Variants in MROH7 observed in about 807,000 individuals in gnomAD.
MROH7 encodes the protein maestro heat like repeat family member 7.
Under a neutral mutation model 129.2 loss-of-function variants are expected in MROH7, and 113 were observed. The ratio of observed to expected loss-of-function variants is 0.87; its 90% confidence interval spans 0.75 to 1.02. MROH7 has a LOEUF of 1.02. Ranked by LOEUF, MROH7 falls within the 50% of genes least tolerant of loss-of-function variation. The probability of loss-of-function intolerance (pLI) is 0.00; values close to 1 mark genes in which losing one functional copy is unlikely to be tolerated. For synonymous variants in MROH7, 655 were observed against 667.9 expected (o/e 0.98, Z 0.30); for missense variants, 1,601 against 1,671.3 (o/e 0.96, Z 0.73).
At chr1:54,706,967 G>A (rs968259746) in intron 22 of MROH7, among the ~76,000 whole-genome samples, 12 of 152,140 alleles carry the variant, frequency 7.9e-5, no homozygotes, top group Non-Finnish European at 1.3e-4. Context: ...TACTCCCACT[G>A]AGCCTCAGTT....
intron 3 of MROH7, among the ~76,000 whole-genome samples, 198 bp from the exon 4 acceptor site, chr1:54,664,969 G>A (rs1252372385): frequency 3.3e-5 from 5 of 152,228 alleles, no homozygotes; most frequent in Admixed American, 1.3e-4. Flanking sequence ...CCGAGATAGC[G>A]CCATTGCACT....
intron 3 of MROH7, among the ~76,000 whole-genome samples, chr1:54,658,497 G>T (rs914712732): frequency 2.0e-5 from 3 of 152,128 alleles, no homozygotes; most frequent in African/African-American, 7.2e-5. Context: ...TTGTCCATTT[G>T]CTTGTTTAAA....
intron 9 of MROH7, 85 bp downstream of exon 9, chr1:54,673,890 C>T: frequency 6.6e-7 from 1 of 1,519,938 alleles, no homozygotes; most frequent in Non-Finnish European, 9.1e-7. Context: ...CAGGGATTCC[C>T]AGGTGGCTCT....
chr1:54,705,653 G>A (rs1043840334), intron 21 of MROH7, among the ~76,000 whole-genome samples: 2 of 152,190 alleles, frequency 1.3e-5, no homozygotes, highest in Non-Finnish European at 2.9e-5. Context: ...TGTAGAAGGT[G>A]CAGATCTGGG....
At chr1:54,694,899 G>A (rs1012999576) in intron 16 of MROH7, among the ~76,000 whole-genome samples, 4 of 152,312 alleles carry the variant, frequency 2.6e-5, no homozygotes, top group East Asian at 1.9e-4. Flanking sequence ...GCTCCAGCTC[G>A]GCCATTTTCT....
At chr1:54,693,976 G>C (rs11206413) in intron 16 of MROH7, among the ~76,000 whole-genome samples, 27,344 of 152,066 alleles carry the variant, frequency 0.18, 2,825 homozygotes, top group South Asian at 0.28. Context: ...CTGCCTCCTG[G>C]GTTCAAGCGA....
chr1:54,677,989 T>G (rs1478131647), intron 10 of MROH7, among the ~76,000 whole-genome samples: 2 of 152,144 alleles, frequency 1.3e-5, no homozygotes, highest in East Asian at 1.9e-4. Context: ...GGGTAGGGGA[T>G]TGCAGTTTAA....
intron 3 of MROH7, chr1:54,663,639 G>A: frequency 2.7e-6 from 1 of 364,440 alleles, no homozygotes; most frequent in South Asian, 2.1e-5. Flanking sequence ...CTCCCAAAGT[G>A]CTGGGATTAC....
chr1:54,708,295 C>T (rs568840516), intron 22 of MROH7, among the ~76,000 whole-genome samples: 41 of 152,242 alleles, frequency 2.7e-4, no homozygotes, highest in Non-Finnish European at 5.1e-4. Context: ...GACATAGTGG[C>T]AAATGCTTAT....
At chr1:54,678,883 G>A in intron 11 of MROH7, 29 bp downstream of exon 11, 1 of 1,557,982 alleles carries the variant, frequency 6.4e-7, no homozygotes, top group Non-Finnish European at 8.9e-7. Context: ...TCCAGGAGCG[G>A]AGGGTGGGGG....
At position 54,674,155 on chromosome 1, in the gene MROH7, A is replaced by G; in HGVS notation, c.1936+4A>G. 1 of 1,612,760 alleles carries G rather than the reference A, an allele frequency of 6.2e-7. No individual in the cohort carries two copies. The highest frequency in any genetic ancestry group is 1.1e-5 in the South Asian group (1 of 90,776). ...ACTATTCTGGAGCTCCAAAAACGTA[A>G]GCCCTATCGGAGTACTTCTGAAGGA... On this transcript the variant is annotated splice_donor_region_variant and intron_variant, in intron 10 of 23. Transcript: ENST00000421030.
Position 54,654,105 on chromosome 1 carries a change from C to A in MROH7, c.1179C>A (p.Pro393=), listed in dbSNP as rs1644603825. 6.2e-7 allele frequency: 1 copy of A among 1,613,798 alleles called. No individual in the cohort carries two copies. Among genetic ancestry groups the A allele is most frequent in the African/African-American group, 1.3e-5 (1 of 74,936 alleles). The change falls in exon 3 of 24, where the codon CCC becomes CCA. Residue 393 remains proline (P), a synonymous_variant. Coordinates refer to ENST00000421030, the MANE Select transcript of MROH7 (RefSeq NM_001039464.4). ...TGGGCCAGTTCCCGCTGGGATTCCC[C>A]ATCTCCAACCCCGCAGGCAAGGACG... ...IKVGQFPLGF[P]ISNPAGKDAV... is the part of the protein sequence containing the mutation.
chr1:54,670,681 C>CA, intron 6 of MROH7, 105 bp downstream of exon 6: 2 of 1,363,820 alleles, frequency 1.5e-6, no homozygotes, highest in Non-Finnish European at 2.0e-6. Flanking sequence ...GCCCCCACCC[C>CA]TCGCCCGGTG....
At chr1:54,668,650 T>A (rs183109938) in intron 4 of MROH7, among the ~76,000 whole-genome samples, 2 of 152,248 alleles carry the variant, frequency 1.3e-5, no homozygotes, top group Non-Finnish European at 2.9e-5. Context: ...AATGCTGGCA[T>A]TCAGGATTAA....
intron 7 of MROH7, 74 bp downstream of exon 7, chr1:54,671,003 C>A: frequency 2.0e-6 from 3 of 1,482,296 alleles, no homozygotes; most frequent in Non-Finnish European, 1.8e-6. Flanking sequence ...CTGCATCCTC[C>A]GGCTCATTGG....
At chr1:54,700,485 C>G (rs1557728719) in intron 18 of MROH7, 24 bp downstream of exon 18, 2 of 1,550,370 alleles carry the variant, frequency 1.3e-6, no homozygotes, top group African/African-American at 1.4e-5. Flanking sequence ...AGAGGAAAGC[C>G]TGGCCCAGCC....
chr1:54,684,898 T>C (rs78854117), intron 14 of MROH7, among the ~76,000 whole-genome samples: 3,800 of 152,364 alleles, frequency 0.025, 157 homozygotes, highest in African/African-American at 0.088. Context: ...TGCCATTTAT[T>C]GTTCTCATTC....
At chr1:54,702,065 C>G (rs1213658972) in intron 19 of MROH7, 25 bp from the exon 20 acceptor site, 4 of 1,559,722 alleles carry the variant, frequency 2.6e-6, no homozygotes, top group South Asian at 1.2e-5. Context: ...GGAGGGACCC[C>G]CTCTGAGCCT....
chr1:54,705,787 C>T lies in MROH7; in HGVS notation c.3565-648C>T, dbSNP rs566224013. Among the ~76,000 whole-genome samples, 66 of 152,214 alleles carry T rather than the reference C, an allele frequency of 4.3e-4. 3 individuals carry two copies. In the South Asian group the frequency reaches 0.013, roughly 30 times the overall value. ...GATCATGAAGCTTTGCATGCCAGGC[C>T]TAGGAGCTTAGGCCTTGATACACAT... On this transcript the variant is annotated intron_variant, in intron 21 of 23. Transcript: ENST00000421030.
Sources: gnomAD v4.1 joint callset for allele counts (sites outside exome capture counted in the v4.1 genomes callset) on GRCh38, gnomAD v4.1.1 for gene constraint, MANE v1.5 for transcripts, NCBI Gene and HGNC (gene_info 2026-07-23, HGNC 2026-07-21) for gene names.